Variants in TRANK1 observed in about 807,000 individuals in gnomAD.
The protein encoded by TRANK1 is tetratricopeptide repeat and ankyrin repeat containing 1.
A neutral mutation model predicts 266.0 loss-of-function variants in TRANK1; 198 were observed. The ratio of observed to expected loss-of-function variants is 0.74; its 90% CI spans 0.66 to 0.84. The LOEUF is 0.84. Ranked by LOEUF, TRANK1 falls within the 40% of genes least tolerant of loss-of-function variation. The pLI, the probability that TRANK1 is intolerant of heterozygous loss-of-function variation, is 0.00. For missense variants in TRANK1, 3,326 were observed against 3,634.6 expected, an observed-to-expected ratio of 0.92 and a Z score of 2.18; for synonymous variants, 1,396 against 1,384.1, an observed-to-expected ratio of 1.01 and a Z score of -0.19.
rs377599446 is a variant in TRANK1 at position 36,833,589 on chromosome 3, G to A, written c.5994C>T (p.Leu1998=). ...QASCLLGAAR[L]NVARDSDIEH... ...CTATGTCGGAATCCCTGGCCACATT[G>A]AGGCGGGCGGCCCCCAGCAGACATG... The change falls in exon 22 of 24, where the codon CTC becomes CTT. Residue 1998 remains leucine, a synonymous_variant. Coordinates refer to ENST00000645898, the MANE Select transcript of TRANK1 (RefSeq NM_001329998.2). The A allele has an allele frequency of 1.7e-4, 272 of 1,613,838 alleles. No individual in the cohort carries two copies. Among genetic ancestry groups the A allele is most frequent in the Non-Finnish European group, 2.1e-4 (251 of 1,179,902 alleles).
intron 1 of TRANK1, 92 bp downstream of exon 1, chr3:36,944,695 C>A: frequency 2.1e-6 from 3 of 1,429,070 alleles, no homozygotes; most frequent in South Asian, 1.3e-5. Flanking sequence ...ACCTCAGGGT[C>A]GCCAGTCCCC....
chr3:36,852,108 G>C (rs2078992350), intron 14 of TRANK1, 38 bp downstream of exon 14: 1 of 1,538,342 alleles, frequency 6.5e-7, no homozygotes. Flanking sequence ...ATTGCAAACT[G>C]TCTTTTATTT....
chr3:36,926,654 C>T (rs947883693), intron 1 of TRANK1, among the ~76,000 whole-genome samples: 13 of 152,222 alleles, frequency 8.5e-5, no homozygotes, highest in African/African-American at 3.1e-4. Context: ...TCAAATGTAC[C>T]AGGAATGGTA....
chr3:36,910,630 C>T (rs2080038020), intron 1 of TRANK1, among the ~76,000 whole-genome samples: 1 of 151,938 alleles, frequency 6.6e-6, no homozygotes. Context: ...ATCCCAGCTA[C>T]TCGGGAGGCT....
Position 36,831,620 on chromosome 3 carries a change from T to A in TRANK1, c.7963A>T (p.Thr2655Ser). 1.2e-6 allele frequency: 2 copies of A among 1,613,862 alleles called. No individual in the cohort carries two copies. Among genetic ancestry groups the A allele is most frequent in the Non-Finnish European group, 8.5e-7 (1 of 1,179,822 alleles). The change falls in exon 22 of 24, where the codon ACC becomes TCC. Residue 2655 changes from threonine to serine, a missense_variant. Physicochemically the swap from Thr to Ser is moderately conservative, Grantham distance 58 (BLOSUM62 1). Transcript: ENST00000645898. This position sits in a 1 kb window ranked among gnomAD's most constrained non-coding sequence, Gnocchi z 5.0. ...AGGCCACGGACTATGGACCCTTTGG[T>A]GTGCACAGGGTCCCACCGCCAGTCA... Reference protein sequence around the residue: ...DCDWRWDPVHTKGSIVRGLYY... With the variant: ...DCDWRWDPVHSKGSIVRGLYY...
intron 9 of TRANK1, among the ~76,000 whole-genome samples, chr3:36,870,633 C>T (rs182369913): frequency 1.2e-4 from 18 of 152,228 alleles, no homozygotes; most frequent in East Asian, 3.9e-4. Flanking sequence ...AGAAATCAAA[C>T]GTCCAACAAG....
At chr3:36,941,809 G>T (rs1484436243) in intron 1 of TRANK1, among the ~76,000 whole-genome samples, 1 of 152,032 alleles carries the variant, frequency 6.6e-6, no homozygotes, top group African/African-American at 2.4e-5. Context: ...TCTTAACAAG[G>T]GTGCTTTTGG....
Position 36,855,535 on chromosome 3 carries a change from C to A in TRANK1, c.4187G>T (p.Ser1396Ile). Residue 1396 changes from serine (S) to isoleucine (I), a missense_variant, in exon 13 of 24, where the codon AGT becomes ATT. Physicochemically the swap from Ser to Ile is moderately radical, Grantham distance 142. Coordinates refer to ENST00000645898, the MANE Select transcript of TRANK1 (RefSeq NM_001329998.2). ...CTGGGACCTGATTTGCTGATACAGA[C>A]TGAAGAGGCTGTAGATCTCACTCCG... ...EDRSEIYSLF[S>I]LYQQIRSQKG... 6.2e-7 allele frequency: 1 copy of A among 1,613,936 alleles called. No homozygotes were observed. Among genetic ancestry groups the A allele is most frequent in the Non-Finnish European group, 8.5e-7 (1 of 1,179,878 alleles).
At chr3:36,853,201 G>C (rs1329643164) in intron 13 of TRANK1, among the ~76,000 whole-genome samples, 1 of 152,172 alleles carries the variant, frequency 6.6e-6, no homozygotes, top group African/African-American at 2.4e-5. Flanking sequence ...AGACAGATGA[G>C]ACAATTGCAC....
intron 3 of TRANK1, among the ~76,000 whole-genome samples, chr3:36,900,300 T>A (rs752828426): frequency 2.0e-5 from 3 of 152,178 alleles, no homozygotes; most frequent in Non-Finnish European, 4.4e-5. Flanking sequence ...TCCTGCCCCT[T>A]TCAAAGTAAA....
At chr3:36,919,571 A>G (rs186741918) in intron 1 of TRANK1, among the ~76,000 whole-genome samples, 3 of 152,342 alleles carry the variant, frequency 2.0e-5, no homozygotes, top group African/African-American at 2.4e-5. Context: ...CTGTGAATAA[A>G]GCTGTTATAA....
intron 1 of TRANK1, among the ~76,000 whole-genome samples, chr3:36,937,135 A>C (rs1388663985): frequency 6.6e-6 from 1 of 152,134 alleles, no homozygotes; most frequent in African/African-American, 2.4e-5. Context: ...AGACAGATCA[A>C]TTTCAACTTC....
chr3:36,924,227 G>A (rs544316112), intron 1 of TRANK1, among the ~76,000 whole-genome samples: 29 of 152,280 alleles, frequency 1.9e-4, no homozygotes, highest in African/African-American at 4.8e-4. Context: ...TGGACTGGCC[G>A]TCCAGCGTTA....
In TRANK1 at chr3:36,860,266, A is replaced by G. The variant is rs143740818; in HGVS notation, c.1495+640T>C. ...ATGAGGAAATGAAGTCATAAATGGCATGTCCAATGCCACACAGTTAGTACT... is the reference window on the plus strand; with the variant it reads ...ATGAGGAAATGAAGTCATAAATGGCGTGTCCAATGCCACACAGTTAGTACT... On this transcript the variant is annotated intron_variant, in intron 11 of 23. Coordinates refer to ENST00000645898, the MANE Select transcript of TRANK1 (RefSeq NM_001329998.2). 6.0e-4 allele frequency among the ~76,000 whole-genome samples: 91 copies of G among 152,342 alleles called. 2 individuals are homozygous for G. Among genetic ancestry groups the G allele is most frequent in the East Asian group, 3.9e-3 (20 of 5,184 alleles).
At chr3:36,891,256 C>T (rs992081478) in intron 7 of TRANK1, among the ~76,000 whole-genome samples, 8 of 152,160 alleles carry the variant, frequency 5.3e-5, no homozygotes, top group South Asian at 2.1e-4. Context: ...AGGGGAATCG[C>T]CTGAACCCAG....
chr3:36,944,459 A>G (rs980377672), intron 1 of TRANK1, among the ~76,000 whole-genome samples: 5 of 152,072 alleles, frequency 3.3e-5, no homozygotes, highest in African/African-American at 1.2e-4. Context: ...GCCCCCGGGA[A>G]CCCCTGAGGA....
chr3:36,921,332 C>T (rs1414333246), intron 1 of TRANK1, among the ~76,000 whole-genome samples: 4 of 152,192 alleles, frequency 2.6e-5, no homozygotes, highest in African/African-American at 9.7e-5. Flanking sequence ...GTGCTCTCAC[C>T]ATTACTCCAT....
chr3:36,850,493 TA>T, intron 15 of TRANK1: 2 of 985,340 alleles, frequency 2.0e-6, no homozygotes, highest in African/African-American at 3.5e-5. Context: ...TATCTACAGA[TA>T]AAGGTGGCTC....
rs766438971 is a variant in TRANK1 at position 36,913,906 on chromosome 3, C to T, written c.24-5452G>A. Reference sequence around the variant, plus strand: ...AGGCATTACCAGTGCAACTTATCCCCTTCGCCCATCAACTTTAAGTTATTC... The same window carrying T: ...AGGCATTACCAGTGCAACTTATCCCTTTCGCCCATCAACTTTAAGTTATTC... On this transcript the variant is annotated intron_variant, in intron 1 of 23. Transcript: ENST00000645898. Among the ~76,000 whole-genome samples, 9 of 152,252 alleles carry T rather than the reference C, an allele frequency of 5.9e-5. No homozygotes were observed. In the South Asian group the frequency reaches 1.7e-3, roughly 28 times the overall value.
Sources: gnomAD v4.1 joint callset for allele counts (sites outside exome capture counted in the v4.1 genomes callset) on GRCh38, gnomAD v4.1.1 for gene constraint, Gnocchi (gnomAD v3.1) non-coding constraint, MANE v1.5 for transcripts, NCBI Gene and HGNC (gene_info 2026-07-23, HGNC 2026-07-21) for gene names.